The following FAH variants were observed in gnomAD, a reference collection of about 807,000 sequenced individuals.
FAH encodes the protein fumarylacetoacetase.
A neutral mutation model predicts 55.8 loss-of-function variants in FAH; 47 were observed. That is an observed-to-expected ratio of 0.84 (90% CI 0.67 to 1.07). The LOEUF (loss-of-function observed/expected upper bound fraction) is 1.07, where lower values mean the gene tolerates loss of function less well. Among genes scored for constraint, FAH ranks in the 50% least tolerant of loss-of-function variants. The pLI, the probability that FAH is intolerant of heterozygous loss-of-function variation, is 0.00. For synonymous variants in FAH, 199 were observed against 207.7 expected (o/e 0.96, Z 0.36); for missense variants, 495 against 545.9 (o/e 0.91, Z 0.93).
rs777918183 is a variant in FAH, at chr15:80,172,106, G to A, written c.607-43G>A. ...TCTCTAGGTGACAAGTGACCTGGGC[G>A]GCAGATCAGCTCCAGATTCTAATGA... On this transcript the variant is annotated intron_variant, in intron 7 of 13. Coordinates refer to ENST00000561421, the MANE Select transcript of FAH (RefSeq NM_000137.4). The A allele has an allele frequency of 7.0e-6, 10 of 1,423,472 alleles. 1 individual carries two copies. Among genetic ancestry groups the A allele is most frequent in the South Asian group, 4.6e-5 (4 of 87,418 alleles). The allele number at this position is 1,423,472 out of a possible 1,614,324, so 88.2% of individuals were successfully genotyped here.
At chr15:80,175,438 G>A (rs896080669) in intron 10 of FAH, among the ~76,000 whole-genome samples, 1 of 152,184 alleles carries the variant, frequency 6.6e-6, no homozygotes, top group African/African-American at 2.4e-5. Flanking sequence ...CACTTCCGTG[G>A]TGGGTGGCAC....
chr15:80,178,348 C>A (rs1357828479), intron 11 of FAH, among the ~76,000 whole-genome samples: 1 of 152,200 alleles, frequency 6.6e-6, no homozygotes, highest in Non-Finnish European at 1.5e-5. Context: ...CAGGTCACTT[C>A]ATCACTCCCT....
In FAH at chr15:80,180,648, GTCAC is replaced by G. The variant is rs1192733963; in HGVS notation, c.1063-388_1063-385del. 5.3e-5 allele frequency among the ~76,000 whole-genome samples: 8 copies of G among 152,274 alleles called. No individual in the cohort carries two copies. In the Middle Eastern group the frequency reaches 0.014, roughly 259 times the overall value. ...ATGATGACCTTGGGGTGGTGCATGT[GTCAC>G]TCACTTCCTGCAGGGGGCTGGCCGA... On this transcript the variant is annotated intron_variant, in intron 12 of 13. Transcript: ENST00000561421.
At chr15:80,178,553 T>C (rs1345712296) in intron 11 of FAH, among the ~76,000 whole-genome samples, 1 of 152,092 alleles carries the variant, frequency 6.6e-6, no homozygotes, top group Non-Finnish European at 1.5e-5. Flanking sequence ...TGCCTTATAG[T>C]GTTGCACTGT....
chr15:80,160,483 A>G (rs201846592), intron 4 of FAH, 24 bp downstream of exon 4: 62 of 1,613,024 alleles, frequency 3.8e-5, no homozygotes, highest in Non-Finnish European at 5.2e-5. Context: ...CTTCACCAAG[A>G]TAAGAACGGA....
chr15:80,180,106 C>T lies in FAH; in HGVS notation c.961-18C>T, dbSNP rs781743677. On this transcript the variant is annotated intron_variant, in intron 11 of 13. Transcript: ENST00000561421. ...AAGCCTGCCGCTGCTCATTCCACCT[C>T]GCGTCCATTGCCTGCAGTACATGTA... 2.9e-5 allele frequency: 46 copies of T among 1,595,692 alleles called. No individual in the cohort carries two copies. Among genetic ancestry groups the T allele is most frequent in the Non-Finnish European group, 3.2e-5 (37 of 1,169,188 alleles).
intron 13 of FAH, among the ~76,000 whole-genome samples, chr15:80,183,389 G>C (rs374348861): frequency 2.0e-5 from 3 of 152,240 alleles, no homozygotes; most frequent in Admixed American, 1.3e-4. Flanking sequence ...GGCTAAGCAG[G>C]GGGTAAGCAG....
intron 13 of FAH, 130 bp from the exon 14 acceptor site, chr15:80,186,000 G>T: frequency 1.3e-6 from 1 of 766,970 alleles, no homozygotes; most frequent in Non-Finnish European, 2.4e-6. Context: ...TTTAAGATAT[G>T]TGTGTGTGAT....
At chr15:80,158,561 G>A (rs1368920318) in intron 2 of FAH, among the ~76,000 whole-genome samples, 2 of 152,232 alleles carry the variant, frequency 1.3e-5, no homozygotes, top group Non-Finnish European at 2.9e-5. Flanking sequence ...CTCCAGTTCT[G>A]TGGAAGCAGC....
intron 4 of FAH, 89 bp downstream of exon 4, chr15:80,160,548 G>T: frequency 2.4e-6 from 3 of 1,243,346 alleles, no homozygotes; most frequent in South Asian, 1.2e-5. Context: ...CATCTGTGTG[G>T]AGGGTCCCTG....
chr15:80,183,262 A>C (rs1342781471), intron 13 of FAH, among the ~76,000 whole-genome samples: 2 of 152,220 alleles, frequency 1.3e-5, no homozygotes, highest in Admixed American at 1.3e-4. Flanking sequence ...AAGAAAGAAG[A>C]ATTATAATTT....
At chr15:80,155,936 C>T (rs1188030091) in intron 1 of FAH, 1 of 477,908 alleles carries the variant, frequency 2.1e-6, no homozygotes, top group African/African-American at 2.0e-5. Flanking sequence ...CAAAGAGGAA[C>T]CAGGAGTACA....
At chr15:80,174,604 G>C (rs1223243444) in intron 9 of FAH, among the ~76,000 whole-genome samples, 2 of 152,300 alleles carry the variant, frequency 1.3e-5, no homozygotes, top group Admixed American at 1.3e-4. Context: ...CACCAGCCAG[G>C]GCTGTCTACT....
intron 13 of FAH, among the ~76,000 whole-genome samples, chr15:80,182,166 C>T (rs2041336550): frequency 1.3e-5 from 2 of 152,196 alleles, no homozygotes; most frequent in African/African-American, 4.8e-5. Flanking sequence ...TCCACGGTCA[C>T]ATTGTCGCCT....
At chr15:80,160,247 T>C (rs1000879088) in intron 3 of FAH, 163 bp from the exon 4 acceptor site, 10 of 742,828 alleles carry the variant, frequency 1.3e-5, no homozygotes, top group Non-Finnish European at 2.2e-5. Flanking sequence ...TGGGTGGATG[T>C]CCTCTCAGCT....
intron 13 of FAH, among the ~76,000 whole-genome samples, chr15:80,185,428 C>T (rs1157457752): frequency 1.3e-5 from 2 of 152,228 alleles, no homozygotes; most frequent in East Asian, 1.9e-4. Context: ...AGGCTTTGAC[C>T]TCAGGCATTC....
intron 5 of FAH, 178 bp downstream of exon 5, chr15:80,162,514 T>G: frequency 2.9e-6 from 2 of 678,792 alleles, no homozygotes; most frequent in Middle Eastern, 2.6e-4. Flanking sequence ...TCAGCTTGGC[T>G]TAGGACTTGC....
intron 13 of FAH, among the ~76,000 whole-genome samples, chr15:80,184,750 G>A (rs543481400): frequency 1.3e-5 from 2 of 152,294 alleles, no homozygotes; most frequent in Middle Eastern, 3.4e-3. Context: ...CCAAAGGACA[G>A]CCTCACTGAA....
chr15:80,183,909 G>A (rs1244541196), intron 13 of FAH, among the ~76,000 whole-genome samples: 1 of 152,192 alleles, frequency 6.6e-6, no homozygotes, highest in Non-Finnish European at 1.5e-5. Context: ...AGGCAGTTGG[G>A]CTCCAGGAGC....
Sources: gnomAD v4.1 joint callset for allele counts (sites outside exome capture counted in the v4.1 genomes callset) on GRCh38, gnomAD v4.1.1 for gene constraint, MANE v1.5 for transcripts, NCBI Gene and HGNC (gene_info 2026-07-23, HGNC 2026-07-21) for gene names.